ADARB2: variants seen among roughly 807,000 people sequenced by gnomAD.
ADARB2 encodes inactive double-stranded RNA-specific editase B2.
In ADARB2, 25 loss-of-function variants were observed where a neutral mutation model predicts 62.2. The ratio of observed to expected loss-of-function variants is 0.40; its 90% CI spans 0.29 to 0.56. The LOEUF (loss-of-function observed/expected upper bound fraction) is 0.56. ADARB2 is among the 20% of genes least tolerant of loss of function. ADARB2 has a pLI of 0.43. For synonymous variants in ADARB2, 572 were observed against 500.8 expected, an observed-to-expected ratio of 1.14 and a Z score of -1.90; for missense variants, 1,071 against 1,077.4, an observed-to-expected ratio of 0.99 and a Z score of 0.08.
chr10:1,717,156 C>CTT (rs397969884), intron 1 of ADARB2, among the ~76,000 whole-genome samples: 5,947 of 63,078 alleles, frequency 0.094, 716 homozygotes, highest in Admixed American at 0.15. Flanking sequence ...TTGTAGTGTG[C>CTT]TTTTTTTTTT....
intron 1 of ADARB2, among the ~76,000 whole-genome samples, chr10:1,668,367 CT>C (rs1228671777): frequency 6.6e-6 from 1 of 152,230 alleles, no homozygotes; most frequent in Admixed American, 6.5e-5. Context: ...TCAAAATACA[CT>C]TCTCAAACTT....
At chr10:1,270,807 C>G in intron 4 of ADARB2, 148 bp downstream of exon 4, 1 of 692,736 alleles carries the variant, frequency 1.4e-6, no homozygotes, top group Non-Finnish European at 2.4e-6. Flanking sequence ...GCTCTGGCCA[C>G]TGATCTCTGT....
chr10:1,456,216 C>T (rs1588264506), intron 1 of ADARB2, among the ~76,000 whole-genome samples: 1 of 152,092 alleles, frequency 6.6e-6, no homozygotes, highest in African/African-American at 2.4e-5. Context: ...CTAGTAAGAA[C>T]GGAAACCACT....
At chr10:1,485,129 G>T (rs1831524070) in intron 1 of ADARB2, among the ~76,000 whole-genome samples, 1 of 152,056 alleles carries the variant, frequency 6.6e-6, no homozygotes. Context: ...TACCTGTGTA[G>T]GTATGTAGGT....
rs372885854 is a variant in ADARB2 at position 1,214,960 on chromosome 10, T to C, written c.1682+1991A>G. ...TTCCCCAGCTCTCCCACGATTTCCA[T>C]GAGAAGGTGGAACCATTGTTGTTAG... On this transcript the variant is annotated intron_variant, in intron 7 of 9. Coordinates refer to ENST00000381312, the MANE Select transcript of ADARB2 (RefSeq NM_018702.4). Among the ~76,000 whole-genome samples, 80 of 152,248 alleles carry C rather than the reference T, an allele frequency of 5.3e-4. 1 individual carries two copies. The highest frequency in any genetic ancestry group is 1.9e-3 in the African/African-American group (79 of 41,552).
chr10:1,346,078 A>G (rs1832077912), intron 3 of ADARB2, among the ~76,000 whole-genome samples: 1 of 152,182 alleles, frequency 6.6e-6, no homozygotes, highest in African/African-American at 2.4e-5. Flanking sequence ...ATTCACACTT[A>G]GTGTTTGTAT....
intron 1 of ADARB2, among the ~76,000 whole-genome samples, chr10:1,459,542 T>A (rs1469916280): frequency 6.6e-6 from 1 of 151,958 alleles, no homozygotes; most frequent in Non-Finnish European, 1.5e-5. Context: ...GGGGGGTGGA[T>A]CACCTGAGGT....
At chr10:1,688,596 C>T (rs977544169) in intron 1 of ADARB2, among the ~76,000 whole-genome samples, 5 of 152,208 alleles carry the variant, frequency 3.3e-5, no homozygotes, top group Admixed American at 6.5e-5. Context: ...GGTCCCTCCC[C>T]GCCCCCCGCC....
chr10:1,651,812 C>T (rs1268494475), intron 1 of ADARB2, among the ~76,000 whole-genome samples: 1 of 145,164 alleles, frequency 6.9e-6, no homozygotes, highest in Non-Finnish European at 1.5e-5. Context: ...GTGACCATCA[C>T]ACAGGCCCAG....
At chr10:1,221,818 T>C (rs1589156233) in intron 6 of ADARB2, among the ~76,000 whole-genome samples, 1 of 152,238 alleles carries the variant, frequency 6.6e-6, no homozygotes, top group Admixed American at 6.5e-5. Context: ...CAGTCTATCA[T>C]TGTTGGACAT....
At chr10:1,362,764 C>T (rs748259850) in intron 3 of ADARB2, among the ~76,000 whole-genome samples, 2 of 152,250 alleles carry the variant, frequency 1.3e-5, no homozygotes, top group African/African-American at 4.8e-5. Flanking sequence ...CGTCCCTCCC[C>T]CTGCAGACAG....
intron 1 of ADARB2, among the ~76,000 whole-genome samples, chr10:1,413,245 G>C (rs1488152255): frequency 2.0e-5 from 3 of 152,096 alleles, no homozygotes; most frequent in African/African-American, 7.2e-5. Context: ...GAGAACATGA[G>C]TGGGAGATGG....
intron 1 of ADARB2, among the ~76,000 whole-genome samples, chr10:1,724,893 G>C (rs1031615703): frequency 6.6e-6 from 1 of 152,188 alleles, no homozygotes; most frequent in Non-Finnish European, 1.5e-5. Context: ...CCACGCCAAC[G>C]CTGTAAAATG....
At chr10:1,253,639 A>G (rs1315756192) in intron 4 of ADARB2, among the ~76,000 whole-genome samples, 1 of 152,266 alleles carries the variant, frequency 6.6e-6, no homozygotes, top group African/African-American at 2.4e-5. Flanking sequence ...GGGAGAAGGC[A>G]GCATGGCAGG....
At chr10:1,437,267 T>C (rs373684558) in intron 1 of ADARB2, among the ~76,000 whole-genome samples, 1 of 151,894 alleles carries the variant, frequency 6.6e-6, no homozygotes, top group African/African-American at 2.4e-5. Context: ...CACACACACA[T>C]GCACATATAT....
intron 3 of ADARB2, among the ~76,000 whole-genome samples, chr10:1,332,417 G>GA (rs59497955): frequency 0.09 from 9,770 of 108,004 alleles, 405 homozygotes; most frequent in Middle Eastern, 0.17. Flanking sequence ...CCTTGTCTCA[G>GA]AAAAAAAAAA....
intron 1 of ADARB2, among the ~76,000 whole-genome samples, chr10:1,536,095 C>A (rs1234292242): frequency 2.0e-5 from 3 of 152,138 alleles, no homozygotes; most frequent in Non-Finnish European, 4.4e-5. Flanking sequence ...AAGCTCCTGG[C>A]AGGGTGGGTC....
At chr10:1,670,657 C>A (rs1409140723) in intron 1 of ADARB2, among the ~76,000 whole-genome samples, 4 of 152,238 alleles carry the variant, frequency 2.6e-5, no homozygotes, top group Admixed American at 2.6e-4. Context: ...TGCAGCGCCA[C>A]TGAAGCTCAA....
chr10:1,725,787 C>T (rs1835156104), intron 1 of ADARB2, among the ~76,000 whole-genome samples: 3 of 152,320 alleles, frequency 2.0e-5, no homozygotes, highest in South Asian at 4.2e-4. Flanking sequence ...TCTAGAGGTG[C>T]GGGTGAAGCT....
Sources: gnomAD v4.1 joint callset for allele counts (sites outside exome capture counted in the v4.1 genomes callset) on GRCh38, gnomAD v4.1.1 for gene constraint, MANE v1.5 for transcripts, NCBI Gene and HGNC (gene_info 2026-07-23, HGNC 2026-07-21) for gene names.